ME3: variants seen among roughly 807,000 people sequenced by gnomAD.
ME3 encodes the protein NADP-dependent malic enzyme, mitochondrial.
In ME3, 48 loss-of-function variants were observed where a neutral mutation model predicts 68.9. The observed-to-expected ratio is 0.70, with a 90% CI of 0.55 to 0.89. The LOEUF is 0.89. Among genes scored for constraint, ME3 ranks in the 40% least tolerant of loss-of-function variants. The pLI, the probability that ME3 is intolerant of heterozygous loss-of-function variation, is 0.00. For missense variants in ME3, 675 were observed against 797.4 expected (o/e 0.85, Z 1.85); for synonymous variants, 320 against 318.8 (o/e 1.00, Z -0.04).
chr11:86,656,975 C>G (rs1459878327), intron 2 of ME3, among the ~76,000 whole-genome samples: 1 of 152,106 alleles, frequency 6.6e-6, no homozygotes, highest in East Asian at 1.9e-4. Context: ...ACAACAGATG[C>G]TGGAGAGGAT....
At chr11:86,527,730 G>T (rs1047442884) in intron 4 of ME3, among the ~76,000 whole-genome samples, 1 of 152,290 alleles carries the variant, frequency 6.6e-6, no homozygotes, top group Admixed American at 6.5e-5. Context: ...GAATTTTCAA[G>T]CCAGAATTTC....
downstream of ME3, among the ~76,000 whole-genome samples, chr11:86,439,651 G>A (rs1948921689): frequency 6.6e-6 from 1 of 152,222 alleles, no homozygotes; most frequent in Admixed American, 6.5e-5. Flanking sequence ...TGTTCAGTGT[G>A]GCTGGAACAA....
intron 2 of ME3, among the ~76,000 whole-genome samples, chr11:86,578,765 T>C (rs991218198): frequency 2.6e-5 from 4 of 152,064 alleles, no homozygotes; most frequent in African/African-American, 9.7e-5. Context: ...CCAGAGGCCA[T>C]TTTGGACTGA....
At chr11:86,496,402 T>C (rs994222149) in intron 6 of ME3, among the ~76,000 whole-genome samples, 4 of 99,350 alleles carry the variant, frequency 4.0e-5, no homozygotes, top group African/African-American at 1.5e-4. Flanking sequence ...GGAGAGTCTG[T>C]CTCAAAAGAA....
chr11:86,530,607 G>T (rs1051998616), intron 4 of ME3, among the ~76,000 whole-genome samples: 8 of 152,120 alleles, frequency 5.3e-5, no homozygotes, highest in Non-Finnish European at 1.2e-4. Context: ...TATACTACAA[G>T]GCTACAGTAA....
chr11:86,503,421 T>C (rs1018541881), intron 5 of ME3, among the ~76,000 whole-genome samples: 1 of 152,188 alleles, frequency 6.6e-6, no homozygotes, highest in African/African-American at 2.4e-5. Context: ...CAGCCCCATA[T>C]AGGAATCTAG....
intron 2 of ME3, among the ~76,000 whole-genome samples, chr11:86,631,052 G>A (rs958901826): frequency 2.0e-5 from 3 of 152,224 alleles, no homozygotes; most frequent in Non-Finnish European, 2.9e-5. Context: ...ATGAGCCCAG[G>A]TCTGGGGCCT....
chr11:86,564,499 T>C (rs1464333895), intron 2 of ME3, among the ~76,000 whole-genome samples: 2 of 145,650 alleles, frequency 1.4e-5, no homozygotes, highest in Non-Finnish European at 3.0e-5. Flanking sequence ...GGCATAAGAA[T>C]AGACATATAG....
chr11:86,499,834 G>A (rs1233970452), intron 5 of ME3, among the ~76,000 whole-genome samples: 1 of 152,206 alleles, frequency 6.6e-6, no homozygotes, highest in Admixed American at 6.5e-5. Context: ...CTTCACCGGT[G>A]AGCAAACAGA....
At chr11:86,521,367 C>A (rs941873752) in intron 4 of ME3, among the ~76,000 whole-genome samples, 4 of 150,458 alleles carry the variant, frequency 2.7e-5, no homozygotes, top group African/African-American at 9.8e-5. Context: ...TGCACTCCAG[C>A]CTGGGCGACA....
intron 2 of ME3, among the ~76,000 whole-genome samples, chr11:86,631,603 A>G (rs1944020257): frequency 6.6e-6 from 1 of 152,198 alleles, no homozygotes; most frequent in Non-Finnish European, 1.5e-5. Context: ...AAAAATCCTC[A>G]GGTAATTCTG....
At chr11:86,498,113 C>T (rs1381780799) in exon 6 of ME3, 3 of 1,611,080 alleles carry the variant, frequency 1.9e-6, no homozygotes, top group Non-Finnish European at 2.5e-6. Flanking sequence ...CCCCATCAGT[C>T]ACCACCACGG....
intron 2 of ME3, among the ~76,000 whole-genome samples, chr11:86,670,951 T>C (rs1946893040): frequency 6.6e-6 from 1 of 152,196 alleles, no homozygotes; most frequent in South Asian, 2.1e-4. Flanking sequence ...GTGAGTTAAT[T>C]TGAGGAGGTA....
chr11:86,507,992 T>A lies in ME3; in HGVS notation c.543+800A>T, dbSNP rs1953210275. Among the ~76,000 whole-genome samples, 5 of 144,428 alleles carry A rather than the reference T, an allele frequency of 3.5e-5. No individual in the cohort carries two copies. The South Asian group carries it at 8.8e-4, about 26-fold the overall frequency. 94.8% of individuals were successfully genotyped at this position (144,428 alleles called of 152,430 possible). On this transcript the variant is annotated intron_variant, in intron 5 of 14. Transcript: ENST00000543262. The stretch of plus-strand genomic sequence containing the variant: ...ACTCTGTCTCAAAAAAAAAAAAAAA[T>A]ATGGCAACTTTTGCATTCTATAACG...
chr11:86,524,054 A>T (rs560172611), intron 4 of ME3, among the ~76,000 whole-genome samples: 1 of 152,338 alleles, frequency 6.6e-6, no homozygotes, highest in Non-Finnish European at 1.5e-5. Context: ...CAGAGGCTTT[A>T]GGCCCCTTTC....
rs77362480 is a variant in ME3, at chr11:86,499,294, T to C, written c.544-1170A>G. 2.1e-3 allele frequency among the ~76,000 whole-genome samples: 313 copies of C among 152,258 alleles called. 1 individual carries two copies. Among genetic ancestry groups the C allele is most frequent in the African/African-American group, 7.1e-3 (296 of 41,548 alleles). ...GCAGGAGTCAGACTGTGAAAGACCT[T>C]GAATGTCTAGCCAAGGAGAGCCCCT... On this transcript the variant is annotated intron_variant, in intron 5 of 14. Transcript: ENST00000543262.
rs191661659 is a variant in ME3, at chr11:86,670,469, C to T, written c.183+1293G>A. Among the ~76,000 whole-genome samples, 7 of 152,282 alleles carry T rather than the reference C, an allele frequency of 4.6e-5. No homozygotes were observed. In the East Asian group the frequency reaches 1.2e-3, roughly 25 times the overall value. On this transcript the variant is annotated intron_variant, in intron 2 of 14. Coordinates refer to ENST00000543262, the Ensembl canonical transcript of ME3. ...ATAAAGGAGCCTTTGTGTGCTTAAG[C>T]CAGTTTGTATTTTCTAACGCTTACT... is the stretch of plus-strand genomic sequence containing the variant.
intron 7 of ME3, among the ~76,000 whole-genome samples, chr11:86,470,876 C>T (rs904915256): frequency 6.6e-6 from 1 of 152,174 alleles, no homozygotes; most frequent in Non-Finnish European, 1.5e-5. Flanking sequence ...AAGTTTATGT[C>T]GGCTACTTAT....
rs142074748 is a variant in ME3, at chr11:86,562,377, A to G, written c.184-2554T>C. Among the ~76,000 whole-genome samples, 1,134 of 152,304 alleles carry G rather than the reference A, an allele frequency of 7.4e-3. 16 individuals carry two copies. Among genetic ancestry groups the G allele is most frequent in the African/African-American group, 0.026 (1,065 of 41,570 alleles). ...TTCCTGTGCAGGTTTTTGTGAGAAC[A>G]TAAGTTTTTTAATCAGTTGGATAAT... is the stretch of plus-strand genomic sequence containing the variant. On this transcript the variant is annotated intron_variant, in intron 2 of 14. Transcript: ENST00000543262.
Sources: allele counts gnomAD v4.1 joint callset (sites outside exome capture counted in the v4.1 genomes callset), GRCh38; gene constraint gnomAD v4.1.1; transcripts MANE v1.5; gene names NCBI Gene and HGNC (gene_info 2026-07-23, HGNC 2026-07-21).